ARID3C: variants seen among roughly 807,000 people sequenced by gnomAD.
ARID3C encodes the protein AT-rich interaction domain 3C.
In ARID3C, 42 loss-of-function variants were observed where a neutral mutation model predicts 37.9. The observed-to-expected ratio is 1.11, with a 90% CI of 0.87 to 1.43. The LOEUF (loss-of-function observed/expected upper bound fraction) is 1.43. Ranked by LOEUF, ARID3C falls within the 40% of genes most tolerant of loss-of-function variation. The pLI is 0.00. For synonymous variants in ARID3C, 213 were observed against 228.0 expected (o/e 0.93, Z 0.59); for missense variants, 581 against 548.8 (o/e 1.06, Z -0.59).
Position 34,621,525 on chromosome 9 carries a change from GC to G in ARID3C, c.1171del (p.Ala391LeufsTer?), listed in dbSNP as rs768868312. On this transcript the variant is annotated frameshift_variant, in exon 7 of 7. Transcript: ENST00000378909. LOFTEE classifies it high-confidence loss of function. ...TGCAGGGTTGGTTGGACCCTGGGAA[GC>G]TGGCACAGGCTGGCGGCGGGCAAAG... 6.4e-7 allele frequency: 1 copy of G among 1,561,940 alleles called. No individual in the cohort carries two copies. The highest frequency in any genetic ancestry group is 1.2e-5 in the South Asian group (1 of 82,060).
chr9:34,630,081 A>G (rs1820709848), upstream of ARID3C, among the ~76,000 whole-genome samples: 6 of 152,278 alleles, frequency 3.9e-5, no homozygotes, highest in South Asian at 1.2e-3. Context: ...GAAAATTTTG[A>G]AACATAGACA....
At chr9:34,623,543 G>A (rs1261248017) in exon 4 of ARID3C, 14 of 1,587,028 alleles carry the variant, frequency 8.8e-6, no homozygotes, top group Non-Finnish European at 1.2e-5. Flanking sequence ...CGGGACCCAA[G>A]GCTGGGTCCT....
At chr9:34,623,773 C>A in intron 3 of ARID3C, 59 bp from the exon 5 acceptor site, 1 of 1,499,712 alleles carries the variant, frequency 6.7e-7, no homozygotes, top group Non-Finnish European at 8.9e-7. Context: ...GGTCAAGTCC[C>A]ACAGCCGGAC....
At chr9:34,623,147 CAA>C (rs1334414839) in intron 4 of ARID3C, among the ~76,000 whole-genome samples, 19 of 72,400 alleles carry the variant, frequency 2.6e-4, no homozygotes, top group Non-Finnish European at 2.4e-4. Context: ...CTCCGTCTCA[CAA>C]AAAAAAAAAA....
chr9:34,625,781 C>T, exon 2 of ARID3C: 1 of 1,614,048 alleles, frequency 6.2e-7, no homozygotes. Context: ...TCCAGAAATT[C>T]CTTCCTCTTG....
chr9:34,623,945 T>C (rs1005237429), exon 3 of ARID3C: 1 of 1,606,548 alleles, frequency 6.2e-7, no homozygotes, highest in Non-Finnish European at 8.5e-7. Context: ...CACTTTGCGG[T>C]TGATGACTTC....
chr9:34,623,798 C>T (rs1820614941), intron 3 of ARID3C, 66 bp downstream of exon 4: 3 of 1,503,290 alleles, frequency 2.0e-6, no homozygotes. Context: ...GCCCGGGGAC[C>T]CTCCCCCCTC....
intron 1 of ARID3C, among the ~76,000 whole-genome samples, chr9:34,626,243 G>A (rs1459891572): frequency 6.6e-6 from 1 of 152,194 alleles, no homozygotes; most frequent in African/African-American, 2.4e-5. Flanking sequence ...ACTTCATGGT[G>A]TTCACATCCC....
upstream of ARID3C, among the ~76,000 whole-genome samples, chr9:34,628,856 G>A (rs888556507): frequency 6.6e-6 from 1 of 152,140 alleles, no homozygotes; most frequent in South Asian, 2.1e-4. This position sits in a 1 kb window ranked among gnomAD's most constrained non-coding sequence, Gnocchi z 5.2. Context: ...CGGACGGGCA[G>A]GAGGCGGCAG....
chr9:34,623,791 CG>C (rs1820614828), intron 3 of ARID3C, 72 bp downstream of exon 4: 2 of 1,503,718 alleles, frequency 1.3e-6, no homozygotes, highest in Non-Finnish European at 1.8e-6. Flanking sequence ...GACGCCCGCC[CG>C]GGGACCCTCC....
upstream of ARID3C, among the ~76,000 whole-genome samples, chr9:34,628,646 T>C (rs1820691179): frequency 6.6e-6 from 1 of 150,666 alleles, no homozygotes; most frequent in Non-Finnish European, 1.5e-5. The surrounding 1 kb of genome is among the most constrained non-coding windows in gnomAD (Gnocchi z 5.2). Context: ...GATAGACAAA[T>C]AGACAGGGGT....
At chr9:34,630,216 A>G (rs1048155200), upstream of ARID3C, among the ~76,000 whole-genome samples, 5 of 151,610 alleles carry the variant, frequency 3.3e-5, no homozygotes, top group African/African-American at 1.2e-4. Context: ...GTATCTCCAG[A>G]CCCCCTCAGC....
chr9:34,629,064 G>A (rs964830946), upstream of ARID3C, among the ~76,000 whole-genome samples: 1 of 151,616 alleles, frequency 6.6e-6, no homozygotes, highest in African/African-American at 2.4e-5. Context: ...CACTCGCCGC[G>A]CTGCTTGCGG....
At chr9:34,631,711 A>T (rs537117040), upstream of ARID3C, among the ~76,000 whole-genome samples, 1 of 152,214 alleles carries the variant, frequency 6.6e-6, no homozygotes, top group Non-Finnish European at 1.5e-5. Flanking sequence ...ATCACCCCAT[A>T]ATTTAGCAGC....
At chr9:34,623,866 G>C (rs1219727201) in exon 3 of ARID3C, 2 of 1,594,250 alleles carry the variant, frequency 1.3e-6, no homozygotes, top group Admixed American at 1.7e-5. Flanking sequence ...GGCCTCACTG[G>C]GTGCGTAGAG....
intron 1 of ARID3C, 145 bp downstream of exon 2, chr9:34,627,552 T>C: frequency 1.5e-6 from 1 of 671,356 alleles, no homozygotes; most frequent in Non-Finnish European, 2.4e-6. Flanking sequence ...CTTCTCTCTG[T>C]CTTTCTATAG....
At chr9:34,621,904 C>T in intron 6 of ARID3C, 116 bp downstream of exon 7, 1 of 1,056,380 alleles carries the variant, frequency 9.5e-7, no homozygotes, top group South Asian at 1.4e-5. Flanking sequence ...CTCCATGTTA[C>T]TCATGCAAGT....
chr9:34,625,972 G>C (rs1048960242), intron 1 of ARID3C, among the ~76,000 whole-genome samples, 158 bp from the exon 3 acceptor site: 3 of 152,224 alleles, frequency 2.0e-5, no homozygotes, highest in African/African-American at 7.2e-5. Context: ...TCTCCGCCTA[G>C]GGGCAGGCAG....
chr9:34,623,761 C>T, intron 3 of ARID3C, 47 bp from the exon 5 acceptor site: 1 of 1,501,266 alleles, frequency 6.7e-7, no homozygotes, highest in Non-Finnish European at 8.9e-7. Flanking sequence ...CTGCACCCAG[C>T]TGGTCAAGTC....
Sources: allele counts gnomAD v4.1 joint callset (sites outside exome capture counted in the v4.1 genomes callset), GRCh38; gene constraint gnomAD v4.1.1; non-coding constraint Gnocchi (gnomAD v3.1); transcripts MANE v1.5; gene names NCBI Gene and HGNC (gene_info 2026-07-23, HGNC 2026-07-21).